Variants in CEP83 observed in about 807,000 individuals in gnomAD.
CEP83 encodes the protein centrosomal protein of 83 kDa.
A neutral mutation model predicts 101.9 loss-of-function variants in CEP83; 70 were observed. That is an observed-to-expected ratio of 0.69 (90% CI 0.57 to 0.84). The LOEUF (loss-of-function observed/expected upper bound fraction) is 0.84. CEP83 is among the 40% of genes least tolerant of loss of function. The pLI is 0.00. For synonymous variants in CEP83, 264 were observed against 267.9 expected, an observed-to-expected ratio of 0.99 and a Z score of 0.14; for missense variants, 715 against 787.2, an observed-to-expected ratio of 0.91 and a Z score of 1.10.
chr12:94,459,816 C>G lies in CEP83; in HGVS notation c.-414G>C, dbSNP rs1481188181. Reference sequence around the variant, plus strand: ...CCCGGGAGAGGTCCGAGGGCGGCGGCGGCGGCGGTGAAAAGCCCCACTCCT... The same window carrying G: ...CCCGGGAGAGGTCCGAGGGCGGCGGGGGCGGCGGTGAAAAGCCCCACTCCT... On this transcript the variant is annotated 5_prime_UTR_variant, in exon 1 of 17. Coordinates refer to ENST00000397809, the MANE Select transcript of CEP83 (RefSeq NM_016122.3). 1 of 153,958 alleles carries G rather than the reference C, an allele frequency of 6.5e-6. No individual in the cohort carries two copies. The highest frequency in any genetic ancestry group is 6.5e-5 in the Admixed American group (1 of 15,302). 9.5% of individuals were successfully genotyped at this position (153,958 alleles called of 1,614,324 possible). A position where few individuals can be genotyped will look rare whatever the true frequency, so the allele number is the denominator to read the frequency against.
At chr12:94,376,727 A>ACC (rs2061564438) in intron 7 of CEP83, among the ~76,000 whole-genome samples, 1 of 119,688 alleles carries the variant, frequency 8.4e-6, no homozygotes, top group African/African-American at 3.2e-5. Flanking sequence ...ACACACACAC[A>ACC]CACACATATA....
chr12:94,386,788 C>G (rs2062174071), intron 6 of CEP83, among the ~76,000 whole-genome samples: 1 of 152,158 alleles, frequency 6.6e-6, no homozygotes, highest in Non-Finnish European at 1.5e-5. Context: ...GTTGTGCAAC[C>G]TTGGGCCAGT....
chr12:94,349,411 AAAGATGTGTT>A (rs1276550287), intron 11 of CEP83, among the ~76,000 whole-genome samples: 2 of 152,194 alleles, frequency 1.3e-5, no homozygotes, highest in Non-Finnish European at 2.9e-5. Context: ...TTTGATTAAT[AAAGATGTGTT>A]TGAGCCTAGT....
intron 8 of CEP83, among the ~76,000 whole-genome samples, chr12:94,372,314 C>G (rs2061344056): frequency 6.6e-6 from 1 of 152,120 alleles, no homozygotes; most frequent in Non-Finnish European, 1.5e-5. Flanking sequence ...TCTATAAAAG[C>G]AAGTTTTATA....
chr12:94,422,253 G>A (rs1325367035), intron 2 of CEP83, among the ~76,000 whole-genome samples: 2 of 152,182 alleles, frequency 1.3e-5, no homozygotes, highest in Admixed American at 1.3e-4. Context: ...TAGCATGGAC[G>A]CATTAGATTA....
chr12:94,431,488 T>A (rs1184392882), intron 2 of CEP83, among the ~76,000 whole-genome samples: 1 of 150,570 alleles, frequency 6.6e-6, no homozygotes, highest in African/African-American at 2.4e-5. Context: ...AAGGAAACAA[T>A]CAACAGAGTG....
chr12:94,423,122 T>C (rs924189629), intron 2 of CEP83, among the ~76,000 whole-genome samples: 1 of 152,198 alleles, frequency 6.6e-6, no homozygotes, highest in Non-Finnish European at 1.5e-5. Context: ...TTCACTCTTG[T>C]TGCCCAGGCT....
intron 11 of CEP83, among the ~76,000 whole-genome samples, chr12:94,358,405 G>A (rs779832854): frequency 2.8e-4 from 43 of 152,254 alleles, no homozygotes; most frequent in African/African-American, 7.7e-4. Flanking sequence ...CAAAGTTCCC[G>A]CCAAACATTA....
At chr12:94,350,801 T>G (rs979481737) in intron 11 of CEP83, among the ~76,000 whole-genome samples, 4 of 152,136 alleles carry the variant, frequency 2.6e-5, no homozygotes, top group African/African-American at 9.7e-5. Context: ...AATTTTTAAA[T>G]GGACAAAAAA....
the CEP83 span, chr12:94,294,456 C>G: frequency 1.0e-6 from 1 of 991,316 alleles, no homozygotes; most frequent in Non-Finnish European, 1.6e-6. Context: ...AAATTTTGAA[C>G]ACTCATATAT....
chr12:94,430,796 T>C (rs1445973221), intron 2 of CEP83, among the ~76,000 whole-genome samples: 2 of 152,080 alleles, frequency 1.3e-5, no homozygotes, highest in African/African-American at 4.8e-5. Flanking sequence ...TGCAGAAAGG[T>C]CTTCCACAAA....
At chr12:94,389,699 G>C (rs1593631726) in intron 6 of CEP83, among the ~76,000 whole-genome samples, 1 of 152,200 alleles carries the variant, frequency 6.6e-6, no homozygotes, top group Non-Finnish European at 1.5e-5. Context: ...AGGGGTCGGG[G>C]TATTTCCCTT....
chr12:94,434,350 G>A (rs899696097), intron 2 of CEP83, among the ~76,000 whole-genome samples: 10 of 152,192 alleles, frequency 6.6e-5, no homozygotes, highest in African/African-American at 2.2e-4. Flanking sequence ...AAATGATAAC[G>A]CAAATGTTTA....
the CEP83 span, chr12:94,280,070 CTG>C: frequency 2.9e-6 from 1 of 342,366 alleles, no homozygotes; most frequent in Admixed American, 4.2e-5. Flanking sequence ...GGCTCAGACT[CTG>C]GGTGTTAACT....
chr12:94,319,743 C>T (rs939835159), intron 14 of CEP83, among the ~76,000 whole-genome samples: 3 of 152,150 alleles, frequency 2.0e-5, no homozygotes, highest in African/African-American at 7.2e-5. Flanking sequence ...AGTTCTTTTG[C>T]ATTTGCTGAG....
In CEP83 at chr12:94,370,393, A is replaced by C. The variant is rs182917913; in HGVS notation, c.934-357T>G. Among the ~76,000 whole-genome samples, 1,076 of 152,364 alleles carry C rather than the reference A, an allele frequency of 7.1e-3. 37 individuals are homozygous for C. Among genetic ancestry groups the C allele is most frequent in the Admixed American group, 0.062 (947 of 15,304 alleles). On this transcript the variant is annotated intron_variant, in intron 8 of 16. Coordinates refer to ENST00000397809, the MANE Select transcript of CEP83 (RefSeq NM_016122.3). ...TTTAAAATTTGTTAATATTTCTAAAAGACAGGGTCTTGCTATGTCATCCAG... is the reference window on the plus strand; with the variant it reads ...TTTAAAATTTGTTAATATTTCTAAACGACAGGGTCTTGCTATGTCATCCAG...
Position 94,451,704 on chromosome 12 carries a change from T to A in CEP83, c.-155+7853A>T, listed in dbSNP as rs549052286. ...GAATCATCATACATTGCTGGTAGGA[T>A]GTAATTGGTACAGCTACTTTGGAAA... On this transcript the variant is annotated intron_variant, in intron 1 of 16. Transcript: ENST00000397809. Among the ~76,000 whole-genome samples the A allele has an allele frequency of 5.9e-5, 9 of 152,248 alleles. No homozygotes were observed. The East Asian group carries it at 1.5e-3, about 26-fold the overall frequency.
At chr12:94,446,871 A>G (rs1412415570) in intron 1 of CEP83, among the ~76,000 whole-genome samples, 1 of 152,210 alleles carries the variant, frequency 6.6e-6, no homozygotes, top group African/African-American at 2.4e-5. Context: ...ATTAATTGAC[A>G]CATCTAAACA....
intron 11 of CEP83, among the ~76,000 whole-genome samples, chr12:94,362,534 G>C (rs1269456896): frequency 1.3e-5 from 2 of 152,144 alleles, no homozygotes; most frequent in African/African-American, 4.8e-5. Flanking sequence ...CTGCTCAGGA[G>C]GCTGAGGCAA....
Sources: gnomAD v4.1 joint callset for allele counts (sites outside exome capture counted in the v4.1 genomes callset) on GRCh38, gnomAD v4.1.1 for gene constraint, MANE v1.5 for transcripts, NCBI Gene and HGNC (gene_info 2026-07-23, HGNC 2026-07-21) for gene names.